Variants in MCTP1 observed in about 807,000 individuals in gnomAD.
The protein encoded by MCTP1 is multiple C2 and transmembrane domain-containing protein 1.
A neutral mutation model predicts 120.6 loss-of-function variants in MCTP1; 69 were observed. The ratio of observed to expected loss-of-function variants is 0.57; its 90% CI spans 0.47 to 0.70. The LOEUF is 0.70. MCTP1 is among the 30% of genes least tolerant of loss of function. MCTP1 has a pLI of 0.00. For missense variants in MCTP1, 1,203 were observed against 1,248.8 expected (o/e 0.96, Z 0.55); for synonymous variants, 529 against 493.1 (o/e 1.07, Z -0.96).
intron 1 of MCTP1, among the ~76,000 whole-genome samples, chr5:95,131,630 CATA>C (rs1237885286): frequency 6.6e-6 from 1 of 151,960 alleles, no homozygotes; most frequent in Non-Finnish European, 1.5e-5. Context: ...ATACTTCTAA[CATA>C]ATTTATGATT....
At position 94,894,652 on chromosome 5, in the gene MCTP1, T is replaced by A. The variant is rs914237966; in HGVS notation, c.1836A>T (p.Arg612Ser). 1.3e-6 allele frequency: 2 copies of A among 1,596,560 alleles called. No homozygotes were observed. The highest frequency in any genetic ancestry group is 1.7e-6 in the Non-Finnish European group (2 of 1,166,826). ...AGGAGGAGGGTTACATACGTACATATCTCTTTAATATCTCCTCTCGTTCCT... is the reference window on the plus strand; with the variant it reads ...AGGAGGAGGGTTACATACGTACATAACTCTTTAATATCTCCTCTCGTTCCT... ...DQKEREEILKRYSPLRIFHNL... is the reference protein window; with the variant it reads ...DQKEREEILKSYSPLRIFHNL... The change falls in exon 11 of 23, where the codon AGA becomes AGT. Residue 612 changes from arginine to serine, a missense_variant. Physicochemically the swap from Arg to Ser is moderately radical, Grantham distance 110. Transcript: ENST00000515393.
At chr5:94,819,886 G>A (rs567673780) in intron 17 of MCTP1, among the ~76,000 whole-genome samples, 1 of 152,290 alleles carries the variant, frequency 6.6e-6, no homozygotes, top group South Asian at 2.1e-4. Flanking sequence ...ATTCATTATA[G>A]ATAAGTTGCA....
intron 17 of MCTP1, among the ~76,000 whole-genome samples, chr5:94,827,878 A>C (rs1323250908): frequency 6.6e-6 from 1 of 151,630 alleles, no homozygotes; most frequent in African/African-American, 2.4e-5. Flanking sequence ...ACCTTTTATC[A>C]AGGTTCTTAG....
At position 94,897,434 on chromosome 5, in the gene MCTP1, G is replaced by A. The variant is rs567516115; in HGVS notation, c.1653-2599C>T. On this transcript the variant is annotated intron_variant, in intron 10 of 22. Coordinates refer to ENST00000515393, the MANE Select transcript of MCTP1 (RefSeq NM_024717.7). ...TGCAGTGGCGCGATCTCAACTCACC[G>A]TAACCTCTGTCTCCTGGGTTCAAGC... Among the ~76,000 whole-genome samples the A allele has an allele frequency of 1.6e-4, 25 of 152,168 alleles. 1 individual carries two copies. The East Asian group carries it at 2.9e-3, about 18-fold the overall frequency.
At chr5:95,091,652 C>T (rs1039506940) in intron 1 of MCTP1, among the ~76,000 whole-genome samples, 1 of 152,208 alleles carries the variant, frequency 6.6e-6, no homozygotes, top group Non-Finnish European at 1.5e-5. Context: ...CAGTCCTGAG[C>T]TTTCACAGTT....
intron 19 of MCTP1, among the ~76,000 whole-genome samples, chr5:94,716,416 T>G (rs1256328512): frequency 6.6e-6 from 1 of 152,114 alleles, no homozygotes; most frequent in Non-Finnish European, 1.5e-5. Flanking sequence ...AAAGTTAGTT[T>G]CACCTATACA....
chr5:94,755,534 A>ACTAATCC (rs1272104386), intron 19 of MCTP1, among the ~76,000 whole-genome samples: 1 of 152,180 alleles, frequency 6.6e-6, no homozygotes, highest in Non-Finnish European at 1.5e-5. Context: ...CACGACCACA[A>ACTAATCC]CTAATCCAAT....
intron 17 of MCTP1, among the ~76,000 whole-genome samples, chr5:94,864,331 A>G (rs1796390559): frequency 6.6e-6 from 1 of 151,922 alleles, no homozygotes; most frequent in African/African-American, 2.4e-5. Context: ...TTGTTCCTCT[A>G]AGTAAAATAT....
chr5:95,124,470 G>A (rs1758474321), intron 1 of MCTP1, among the ~76,000 whole-genome samples: 1 of 152,190 alleles, frequency 6.6e-6, no homozygotes, highest in African/African-American at 2.4e-5. Flanking sequence ...GGAGAACCTT[G>A]ACTAATACAG....
intron 1 of MCTP1, among the ~76,000 whole-genome samples, chr5:95,134,992 C>CAAAAAAAAAAAA (rs70978170): frequency 2.8e-5 from 1 of 35,310 alleles, no homozygotes; most frequent in Non-Finnish European, 5.2e-5. Flanking sequence ...GCCTGATGGC[C>CAAAAAAAAAAAA]AAAAAAAAAA....
At chr5:95,114,195 A>G (rs182866856) in intron 1 of MCTP1, among the ~76,000 whole-genome samples, 271 of 152,342 alleles carry the variant, frequency 1.8e-3, no homozygotes, top group African/African-American at 6.2e-3. Flanking sequence ...TCTTCAGGTG[A>G]GACTAAGCAC....
At chr5:95,101,573 A>G (rs1582253074) in intron 1 of MCTP1, among the ~76,000 whole-genome samples, 2 of 152,324 alleles carry the variant, frequency 1.3e-5, no homozygotes, top group Admixed American at 6.5e-5. Flanking sequence ...CAGTCAATCA[A>G]TCAGGTGGGG....
intron 19 of MCTP1, among the ~76,000 whole-genome samples, chr5:94,739,730 T>G (rs1016102599): frequency 3.4e-4 from 52 of 152,236 alleles, no homozygotes; most frequent in African/African-American, 1.3e-3. Context: ...AATGGCATGA[T>G]CTCAGCCCAC....
intron 1 of MCTP1, among the ~76,000 whole-genome samples, chr5:95,109,993 T>C (rs1284045437): frequency 1.3e-5 from 2 of 152,214 alleles, no homozygotes; most frequent in Non-Finnish European, 2.9e-5. Flanking sequence ...TAGTGTGTGG[T>C]AGACTGGTGA....
chr5:95,145,414 G>C (rs145989152), intron 1 of MCTP1, among the ~76,000 whole-genome samples: 249 of 152,176 alleles, frequency 1.6e-3, no homozygotes, highest in African/African-American at 5.7e-3. Context: ...GCACTGGCCA[G>C]GACTTCCAAT....
chr5:94,947,622 A>AGAGAGAGAGAGG (rs70978142), intron 3 of MCTP1, among the ~76,000 whole-genome samples: 1 of 124,912 alleles, frequency 8.0e-6, no homozygotes, highest in Non-Finnish European at 1.7e-5. Flanking sequence ...AGAGAGAGAG[A>AGAGAGAGAGAGG]AAGAGAGACA....
chr5:95,253,701 T>C (rs1307680926), intron 1 of MCTP1, among the ~76,000 whole-genome samples: 1 of 152,026 alleles, frequency 6.6e-6, no homozygotes, highest in Non-Finnish European at 1.5e-5. Flanking sequence ...AATATGCAAA[T>C]CCAAACTAAT....
At chr5:94,810,148 A>G (rs1013071414) in intron 17 of MCTP1, among the ~76,000 whole-genome samples, 2 of 152,084 alleles carry the variant, frequency 1.3e-5, no homozygotes, top group African/African-American at 2.4e-5. Context: ...TTATTTAAGT[A>G]TATTTTACAG....
intron 18 of MCTP1, among the ~76,000 whole-genome samples, chr5:94,791,162 A>T (rs1179252871): frequency 4.0e-5 from 6 of 150,936 alleles, no homozygotes; most frequent in Admixed American, 2.0e-4. Flanking sequence ...AGCCGGGTGC[A>T]GTGGCAGGTG....
Sources: gnomAD v4.1 joint callset for allele counts (sites outside exome capture counted in the v4.1 genomes callset) on GRCh38, gnomAD v4.1.1 for gene constraint, MANE v1.5 for transcripts, NCBI Gene and HGNC (gene_info 2026-07-23, HGNC 2026-07-21) for gene names.